The following HS6ST2 variants were observed in gnomAD, a reference collection of about 807,000 sequenced individuals.
HS6ST2 encodes heparan-sulfate 6-O-sulfotransferase 2.
A neutral mutation model predicts 33.0 loss-of-function variants in HS6ST2; 17 were observed. The ratio of observed to expected loss-of-function variants is 0.52; its 90% CI spans 0.35 to 0.77. The LOEUF (loss-of-function observed/expected upper bound fraction) is 0.77. HS6ST2 is among the 30% of genes least tolerant of loss of function. HS6ST2 has a pLI of 0.01. For missense variants in HS6ST2, 519 were observed against 551.7 expected, an observed-to-expected ratio of 0.94 and a Z score of 0.59; for synonymous variants, 248 against 237.1, an observed-to-expected ratio of 1.05 and a Z score of -0.42.
intron 2 of HS6ST2, among the ~76,000 whole-genome samples, chrX:132,829,280 GATTC>G (rs1451540625): frequency 9.8e-6 from 1 of 101,858 alleles, no homozygotes; most frequent in Non-Finnish European, 2.0e-5. Context: ...ATGTGTATAT[GATTC>G]ATACTAACAT....
At chrX:132,686,638 C>A (rs936583519) in intron 3 of HS6ST2, among the ~76,000 whole-genome samples, 1 of 111,700 alleles carries the variant, frequency 9.0e-6, no homozygotes, top group Admixed American at 9.5e-5. Context: ...ACCAGTCCCC[C>A]CAAGTGATTG....
intron 2 of HS6ST2, among the ~76,000 whole-genome samples, chrX:132,803,628 C>T (rs1053092325): frequency 3.6e-5 from 4 of 111,329 alleles, no homozygotes; most frequent in African/African-American, 1.3e-4. Context: ...AGGCTAGTCT[C>T]GAACTCCTGG....
At chrX:132,917,949 T>A (rs1445257783) in intron 2 of HS6ST2, among the ~76,000 whole-genome samples, 1 of 112,266 alleles carries the variant, frequency 8.9e-6, no homozygotes, top group Admixed American at 9.4e-5. Context: ...ACACACTTTA[T>A]CCATGATCTC....
intron 2 of HS6ST2, among the ~76,000 whole-genome samples, chrX:132,759,616 T>C (rs2064786765): frequency 9.0e-6 from 1 of 111,543 alleles, no homozygotes; most frequent in Non-Finnish European, 1.9e-5. Flanking sequence ...TGAGTGTCAC[T>C]AAATGCCACT....
intron 3 of HS6ST2, among the ~76,000 whole-genome samples, chrX:132,687,477 C>T (rs1033625080): frequency 9.0e-6 from 1 of 110,499 alleles, no homozygotes; most frequent in African/African-American, 3.3e-5. Flanking sequence ...CATTTATTGG[C>T]CCCAAGAAGG....
intron 2 of HS6ST2, among the ~76,000 whole-genome samples, chrX:132,779,101 G>C (rs756144164): frequency 6.0e-4 from 67 of 111,971 alleles, no homozygotes; most frequent in African/African-American, 1.9e-3. Flanking sequence ...TGGAGGACTG[G>C]ATCAAGTCAC....
At chrX:132,960,974 C>T (rs2067137687), upstream of HS6ST2, among the ~76,000 whole-genome samples, 1 of 109,807 alleles carries the variant, frequency 9.1e-6, no homozygotes, top group Admixed American at 9.6e-5. Flanking sequence ...CCATGTTCTC[C>T]CGAGGCCAAG....
At chrX:132,745,630 G>A (rs1322533281) in intron 2 of HS6ST2, among the ~76,000 whole-genome samples, 1 of 112,141 alleles carries the variant, frequency 8.9e-6, no homozygotes, top group African/African-American at 3.2e-5. Flanking sequence ...CTCAAAATCT[G>A]TTGTGTCTCA....
At chrX:132,948,102 T>C (rs2066975429) in intron 2 of HS6ST2, among the ~76,000 whole-genome samples, 1 of 111,791 alleles carries the variant, frequency 8.9e-6, no homozygotes, top group African/African-American at 3.2e-5. Flanking sequence ...AGAACTAAAC[T>C]CTTCATAAGA....
intron 4 of HS6ST2, among the ~76,000 whole-genome samples, chrX:132,652,711 C>T (rs773697638): frequency 6.3e-4 from 70 of 110,337 alleles, no homozygotes; most frequent in Non-Finnish European, 1.0e-3. Flanking sequence ...CTAGTGTTCA[C>T]CCATCAGGGC....
In HS6ST2 at chrX:132,958,608, C is replaced by T. The variant is rs769440655; in HGVS notation, c.-6G>A. 6.9e-6 allele frequency: 8 copies of T among 1,161,424 alleles called. No homozygotes were observed. The Admixed American group carries it at 9.8e-5, about 14-fold the overall frequency. Reference sequence around the variant, plus strand: ...GCACACGCAGGCAGTGCCATTCCCCCCTTCAGGCAACTCAGGGTACTAAGG... The same window carrying T: ...GCACACGCAGGCAGTGCCATTCCCCTCTTCAGGCAACTCAGGGTACTAAGG... On this transcript the variant is annotated 5_prime_UTR_variant, in exon 1 of 5. Coordinates refer to ENST00000370833, the MANE Select transcript of HS6ST2 (RefSeq NM_001394073.1).
At chrX:132,719,706 C>T (rs1052224915) in intron 2 of HS6ST2, among the ~76,000 whole-genome samples, 6 of 112,258 alleles carry the variant, frequency 5.3e-5, no homozygotes, top group Non-Finnish European at 1.1e-4. Flanking sequence ...TGAGTTTTCA[C>T]ATGTCCATTT....
intron 2 of HS6ST2, among the ~76,000 whole-genome samples, chrX:132,826,446 G>A (rs1195882010): frequency 9.0e-6 from 1 of 110,936 alleles, no homozygotes; most frequent in Admixed American, 9.7e-5. Context: ...ACAAAAACAA[G>A]TAAAATATCT....
chrX:132,638,396 A>G (rs2063578086), intron 4 of HS6ST2, among the ~76,000 whole-genome samples: 1 of 111,372 alleles, frequency 9.0e-6, no homozygotes, highest in Non-Finnish European at 1.9e-5. Context: ...TGTTATCAGC[A>G]GTGGCAGCAG....
chrX:132,887,280 C>CTTG (rs2066262365), intron 2 of HS6ST2, among the ~76,000 whole-genome samples: 1 of 112,038 alleles, frequency 8.9e-6, no homozygotes, highest in Admixed American at 9.5e-5. Context: ...TGATAAAGGA[C>CTTG]TTGTATCTAT....
intron 2 of HS6ST2, among the ~76,000 whole-genome samples, chrX:132,951,269 T>C (rs2067012873): frequency 9.0e-6 from 1 of 111,409 alleles, no homozygotes; most frequent in African/African-American, 3.3e-5. Flanking sequence ...CTCATTGCCA[T>C]TCAAGTCCTC....
At chrX:132,892,770 G>A (rs1435353953) in intron 2 of HS6ST2, among the ~76,000 whole-genome samples, 1 of 111,775 alleles carries the variant, frequency 8.9e-6, no homozygotes. Flanking sequence ...AGTGAGCCGA[G>A]ATTGTGCCAC....
chrX:132,949,712 T>G (rs183408155), intron 2 of HS6ST2, among the ~76,000 whole-genome samples: 218 of 111,533 alleles, frequency 2.0e-3, no homozygotes, highest in African/African-American at 6.2e-3. Flanking sequence ...ATATAAGTAA[T>G]GTAGACTCAA....
At chrX:132,713,783 C>T (rs2064251846) in intron 2 of HS6ST2, among the ~76,000 whole-genome samples, 1 of 110,715 alleles carries the variant, frequency 9.0e-6, no homozygotes, top group South Asian at 4.0e-4. Flanking sequence ...ACAGTGTCTG[C>T]CCTCCCCCGA....
Sources: gnomAD v4.1 joint callset for allele counts (sites outside exome capture counted in the v4.1 genomes callset) on GRCh38, gnomAD v4.1.1 for gene constraint, MANE v1.5 for transcripts, NCBI Gene and HGNC (gene_info 2026-07-23, HGNC 2026-07-21) for gene names.